GYG1: variants seen among roughly 807,000 people sequenced by gnomAD.
GYG1 encodes the protein glycogenin 1.
In GYG1, 44 loss-of-function variants were observed where a neutral mutation model predicts 41.9. The ratio of observed to expected loss-of-function variants is 1.05; its 90% CI spans 0.83 to 1.35. The LOEUF is 1.35. Among genes scored for constraint, GYG1 ranks in the 40% most tolerant of loss-of-function variants. The pLI is 0.00. For synonymous variants in GYG1, 141 were observed against 158.1 expected (o/e 0.89, Z 0.81); for missense variants, 429 against 418.9 (o/e 1.02, Z -0.21).
At chr3:149,022,783 C>T (rs1277186742) in intron 5 of GYG1, among the ~76,000 whole-genome samples, 2 of 151,960 alleles carry the variant, frequency 1.3e-5, no homozygotes, top group Non-Finnish European at 2.9e-5. Flanking sequence ...TGTAAGCCAC[C>T]GTACCCGGCC....
rs746892694 is a variant in GYG1, at chr3:149,024,232, A to C, written c.788A>C (p.Gln263Pro). Residue 263 changes from glutamine (Q) to proline (P), a missense_variant, in exon 6 of 8, where the codon CAA (glutamine) becomes CCA (proline). Gln to Pro is a moderately conservative substitution (Grantham distance 76, BLOSUM62 -1). Coordinates refer to ENST00000345003, the MANE Select transcript of GYG1 (RefSeq NM_004130.4). ...FTTNVLPLLQ[Q>P]FGLVKDTCSY... ...ACCAACGTTTTACCTCTGCTTCAAC[A>C]ATTTGGCCTTGTCAAAGACACCTGC... 7.7e-5 allele frequency: 124 copies of C among 1,613,740 alleles called. No individual in the cohort carries two copies. Among genetic ancestry groups the C allele is most frequent in the Non-Finnish European group, 1.0e-4 (119 of 1,179,740 alleles).
chr3:148,994,585 G>A (rs561943991), intron 2 of GYG1, among the ~76,000 whole-genome samples: 5 of 152,186 alleles, frequency 3.3e-5, no homozygotes, highest in African/African-American at 1.2e-4. Context: ...AGTGTGTCAG[G>A]CATTCCCTGC....
rs778304214 is a variant in GYG1, at chr3:149,030,756, T to G, written c.*3823T>G. 1 of 152,208 alleles carries G rather than the reference T, an allele frequency of 6.6e-6. No individual in the cohort carries two copies. Among genetic ancestry groups the G allele is most frequent in the Non-Finnish European group, 1.5e-5 (1 of 68,038 alleles). The allele number at this position is 152,208 out of a possible 1,614,324, so 9.4% of individuals were successfully genotyped here. ...GTTTTGATGAAAATCAGCCCTTTCC[T>G]TACCTGCTACTGCCTCAAAAAGGGA... On this transcript the variant is annotated 3_prime_UTR_variant, in exon 8 of 8. Transcript: ENST00000345003.
intron 4 of GYG1, among the ~76,000 whole-genome samples, chr3:149,005,124 A>T (rs1257061811): frequency 1.3e-5 from 2 of 152,218 alleles, no homozygotes; most frequent in Non-Finnish European, 2.9e-5. Flanking sequence ...CAGGTTCTCA[A>T]ATTGGATAAA....
At chr3:148,995,303 G>T (rs1234102908) in intron 2 of GYG1, among the ~76,000 whole-genome samples, 1 of 152,198 alleles carries the variant, frequency 6.6e-6, no homozygotes, top group Non-Finnish European at 1.5e-5. Context: ...TAGTAACTTT[G>T]TGATGTGTTT....
At chr3:149,004,110 C>A (rs904276772) in intron 4 of GYG1, 3 of 152,222 alleles carry the variant, frequency 2.0e-5, no homozygotes, top group African/African-American at 4.8e-5. Context: ...GAATGAGATA[C>A]TTGCTTTTGT....
In GYG1 at chr3:149,026,429, A is replaced by G. The variant is rs760991975; in HGVS notation, c.829-23A>G. On this transcript the variant is annotated intron_variant, in intron 6 of 7. Transcript: ENST00000345003. ...GTGTTCCCTTGCCCATCCATCTTAC[A>G]CTTTCTAATGAACTGTTTGCAGCTT... is the stretch of plus-strand genomic sequence containing the variant. 79 of 1,514,428 alleles carry G rather than the reference A, an allele frequency of 5.2e-5. No individual in the cohort carries two copies. In the Middle Eastern group the frequency reaches 3.4e-3, roughly 65 times the overall value. The allele number at this position is 1,514,428 out of a possible 1,614,324, so 93.8% of individuals were successfully genotyped here. A position where few individuals can be genotyped will look rare whatever the true frequency, so the allele number is the denominator to read the frequency against.
At chr3:149,003,722 G>A (rs1307248015) in intron 4 of GYG1, among the ~76,000 whole-genome samples, 2 of 152,068 alleles carry the variant, frequency 1.3e-5, no homozygotes, top group Non-Finnish European at 2.9e-5. Flanking sequence ...CCCAGGTGAT[G>A]CCCATGCTGC....
chr3:149,024,681 G>C (rs1018864576), intron 6 of GYG1, among the ~76,000 whole-genome samples: 2 of 152,184 alleles, frequency 1.3e-5, no homozygotes, highest in Non-Finnish European at 2.9e-5. Context: ...TGTGTTTTCA[G>C]TGAAAATGAC....
Position 148,991,579 on chromosome 3 carries a change from T to A in GYG1, c.-62T>A. ...CCTCGCTGGCCGCGCTCCCTCCCGG[T>A]GCCGGCTTCTCTGAGTCACCAACCT... On this transcript the variant is annotated 5_prime_UTR_variant, in exon 1 of 8. Transcript: ENST00000345003. 1 of 1,540,892 alleles carries A rather than the reference T, an allele frequency of 6.5e-7. No homozygotes were observed. The highest frequency in any genetic ancestry group is 8.7e-7 in the Non-Finnish European group (1 of 1,151,038).
chr3:149,024,053 GT>G lies in GYG1; in HGVS notation c.612del (p.Phe204LeufsTer37). 1 of 1,612,528 alleles carries G rather than the reference GT, an allele frequency of 6.2e-7. No individual in the cohort carries two copies. Among genetic ancestry groups the G allele is most frequent in the Non-Finnish European group, 8.5e-7 (1 of 1,178,510 alleles). The part of the protein sequence containing the change: ...IYSYLPAFKV[F>X]GASAKVVHFL... ...GTTTCAACTTGCGTTCACTTGGCAG[GT>G]TTGGTGCAAGTGCCAAAGTTGTGCA... On this transcript the variant is annotated frameshift_variant and splice_region_variant, in exon 6 of 8. Coordinates refer to ENST00000345003, the MANE Select transcript of GYG1 (RefSeq NM_004130.4). LOFTEE classifies it high-confidence loss of function.
intron 5 of GYG1, among the ~76,000 whole-genome samples, chr3:149,022,529 CACTGTCACCAGGCTGGAGTGCA>C (rs1425216074): frequency 4.5e-5 from 2 of 44,036 alleles, no homozygotes; most frequent in Admixed American, 3.7e-4. Context: ...GATGGAGTCT[CACTGTCACCAGGCTGGAGTGCA>C]GTGGCGCAAT....
chr3:149,029,968 T>C lies in GYG1; in HGVS notation c.*3035T>C, dbSNP rs1436183693. On this transcript the variant is annotated 3_prime_UTR_variant, in exon 8 of 8. Transcript: ENST00000345003. ...TGAACAAGAATTTCAACCAGCTAAATTGAGCAAAATAAAGTTAGTTAGGAT... is the reference window on the plus strand; with the variant it reads ...TGAACAAGAATTTCAACCAGCTAAACTGAGCAAAATAAAGTTAGTTAGGAT... Among the ~76,000 whole-genome samples, 1 of 152,202 alleles carries C rather than the reference T, an allele frequency of 6.6e-6. No individual in the cohort carries two copies. Among genetic ancestry groups the C allele is most frequent in the Non-Finnish European group, 1.5e-5 (1 of 68,024 alleles).
At chr3:149,021,076 C>G (rs73011382) in intron 5 of GYG1, among the ~76,000 whole-genome samples, 2,474 of 152,258 alleles carry the variant, frequency 0.016, 77 homozygotes, top group African/African-American at 0.057. Flanking sequence ...ATTGTCCCTG[C>G]CCCCACTTCC....
chr3:148,991,786 C>A, intron 1 of GYG1, 139 bp downstream of exon 1: 1 of 725,096 alleles, frequency 1.4e-6, no homozygotes, highest in Non-Finnish European at 2.2e-6. Flanking sequence ...CTGGCCGCAG[C>A]CGGGCGTGTT....
In GYG1 at chr3:149,028,963, G is replaced by A. The variant is rs182541130; in HGVS notation, c.*2030G>A. Reference sequence around the variant, plus strand: ...CAATCTCTTGACCTCGTGATCCACCGGCCTTGGCCTCCCAAAGTGCTGGGA... The same window carrying A: ...CAATCTCTTGACCTCGTGATCCACCAGCCTTGGCCTCCCAAAGTGCTGGGA... On this transcript the variant is annotated 3_prime_UTR_variant, in exon 8 of 8. Transcript: ENST00000345003. Among the ~76,000 whole-genome samples, 18 of 152,164 alleles carry A rather than the reference G, an allele frequency of 1.2e-4. No individual in the cohort carries two copies. The East Asian group carries it at 3.3e-3, about 28-fold the overall frequency.
intron 5 of GYG1, among the ~76,000 whole-genome samples, chr3:149,015,661 G>A (rs756162539): frequency 3.5e-4 from 54 of 152,282 alleles, no homozygotes; most frequent in Admixed American, 1.8e-3. Flanking sequence ...GTGGAGTGGT[G>A]GGGGAGAAAG....
chr3:149,029,087 C>T lies in GYG1; in HGVS notation c.*2154C>T, dbSNP rs1714815792. Among the ~76,000 whole-genome samples, 1 of 152,158 alleles carries T rather than the reference C, an allele frequency of 6.6e-6. No individual in the cohort carries two copies. Among genetic ancestry groups the T allele is most frequent in the African/African-American group, 2.4e-5 (1 of 41,422 alleles). On this transcript the variant is annotated 3_prime_UTR_variant, in exon 8 of 8. Coordinates refer to ENST00000345003, the MANE Select transcript of GYG1 (RefSeq NM_004130.4). ...GGAATCAGAAAGAATGACAAGCTTA[C>T]CATAAGACATAGCATATAATGCTGT...
At chr3:149,024,903 C>A (rs989897161) in intron 6 of GYG1, among the ~76,000 whole-genome samples, 3 of 152,080 alleles carry the variant, frequency 2.0e-5, no homozygotes, top group African/African-American at 7.2e-5. Context: ...GGATGAGGAA[C>A]GAAACTGTTA....
Sources: gnomAD v4.1 joint callset for allele counts (sites outside exome capture counted in the v4.1 genomes callset) on GRCh38, gnomAD v4.1.1 for gene constraint, MANE v1.5 for transcripts, NCBI Gene and HGNC (gene_info 2026-07-23, HGNC 2026-07-21) for gene names.